NFILZ: variants seen among roughly 807,000 people sequenced by gnomAD.
The protein encoded by NFILZ is NFIL3 like basic leucine zipper.
At chr19:8,639,467 T>G (rs1446359666) in intron 3 of NFILZ, among the ~76,000 whole-genome samples, 2 of 152,194 alleles carry the variant, frequency 1.3e-5, no homozygotes, top group African/African-American at 4.8e-5. Flanking sequence ...TATGGTGGCA[T>G]GTGCCTGTAG....
At chr19:8,673,875 C>G (rs1405963633) in intron 3 of NFILZ, among the ~76,000 whole-genome samples, 1 of 152,030 alleles carries the variant, frequency 6.6e-6, no homozygotes, top group Non-Finnish European at 1.5e-5. Flanking sequence ...GAGTCTTGCT[C>G]TGTCGCCCAG....
intron 3 of NFILZ, among the ~76,000 whole-genome samples, chr19:8,637,237 C>T (rs182054717): frequency 1.4e-3 from 216 of 152,120 alleles, no homozygotes; most frequent in Admixed American, 2.8e-3. Context: ...TCTCAGCTCT[C>T]AGAAGGCTGA....
intron 3 of NFILZ, among the ~76,000 whole-genome samples, 160 bp downstream of exon 3, chr19:8,635,906 G>A (rs2042892198): frequency 6.6e-6 from 1 of 151,942 alleles, no homozygotes; most frequent in African/African-American, 2.4e-5. Flanking sequence ...GTGCAGTCTT[G>A]GCTCATTGCC....
chr19:8,643,637 A>T (rs2042927767), intron 3 of NFILZ, among the ~76,000 whole-genome samples: 1 of 152,144 alleles, frequency 6.6e-6, no homozygotes, highest in African/African-American at 2.4e-5. Context: ...AGGGACATTG[A>T]TCTTCTACCC....
chr19:8,634,962 G>T (rs781786895), intron 2 of NFILZ, among the ~76,000 whole-genome samples: 1 of 151,976 alleles, frequency 6.6e-6, no homozygotes, highest in Non-Finnish European at 1.5e-5. Context: ...ATTAGTATAC[G>T]ATTCTGTGAT....
rs2042875170 is a variant in NFILZ, at chr19:8,632,537, C to T, written c.-349C>T. The stretch of plus-strand genomic sequence containing the variant: ...ATGACATGAGTGACCTCTGATTGTC[C>T]TCACTGCTACACTCCCACCAGCCCC... On this transcript the variant is annotated 5_prime_UTR_variant, in exon 2 of 6. Transcript: ENST00000691075. The T allele has an allele frequency of 6.6e-6, 1 of 152,076 alleles. No homozygotes were observed. The highest frequency in any genetic ancestry group is 2.4e-5 in the African/African-American group (1 of 41,404). The allele number at this position is 152,076 out of a possible 1,614,324, so 9.4% of individuals were successfully genotyped here.
chr19:8,672,204 A>T (rs1555750327), intron 3 of NFILZ, among the ~76,000 whole-genome samples: 1 of 152,170 alleles, frequency 6.6e-6, no homozygotes, highest in Admixed American at 6.6e-5. Context: ...TGCATTTATT[A>T]GTTCATTCAA....
chr19:8,661,104 T>TTCCCCCTCCCTCCCTTCC (rs2043029476), intron 3 of NFILZ, among the ~76,000 whole-genome samples: 1 of 30,310 alleles, frequency 3.3e-5, no homozygotes, highest in Non-Finnish European at 6.4e-5. Flanking sequence ...CCCTTCCTCC[T>TTCCCCCTCCCTCCCTTCC]TCCTTCCTTC....
At chr19:8,651,003 C>T (rs2042962551) in intron 3 of NFILZ, among the ~76,000 whole-genome samples, 1 of 151,906 alleles carries the variant, frequency 6.6e-6, no homozygotes, top group Admixed American at 6.6e-5. Context: ...ATTGTGGAAC[C>T]ATAATAGGTG....
intron 3 of NFILZ, among the ~76,000 whole-genome samples, chr19:8,644,190 T>C (rs2042929872): frequency 6.6e-6 from 1 of 152,128 alleles, no homozygotes; most frequent in South Asian, 2.1e-4. Flanking sequence ...AGCCTCCACC[T>C]CCTGGGTTCA....
intron 3 of NFILZ, among the ~76,000 whole-genome samples, chr19:8,660,581 CTCCTTCCTTCCTTCCT>C (rs35156565): frequency 9.1e-6 from 1 of 110,134 alleles, no homozygotes; most frequent in African/African-American, 4.0e-5. Context: ...CCCTCCCTCC[CTCCTTCCTTCCTTCCT>C]TCCCTCCTTC....
chr19:8,631,122 CA>C (rs2042867742), intron 1 of NFILZ, among the ~76,000 whole-genome samples: 1 of 152,064 alleles, frequency 6.6e-6, no homozygotes, highest in South Asian at 2.1e-4. Context: ...TTTGGGGTAC[CA>C]GGGGTTTCTG....
chr19:8,653,038 T>TCTCCC (rs2042975227), intron 3 of NFILZ, among the ~76,000 whole-genome samples: 23 of 90,592 alleles, frequency 2.5e-4, no homozygotes, highest in Middle Eastern at 5.6e-3. Flanking sequence ...CTTTCTTTCT[T>TCTCCC]TCTCTCTCTC....
intron 4 of NFILZ, among the ~76,000 whole-genome samples, chr19:8,676,138 G>A (rs563797821): frequency 6.6e-5 from 10 of 152,262 alleles, no homozygotes; most frequent in Middle Eastern, 6.8e-3. Flanking sequence ...GAGTTGGGTA[G>A]AGGGATGGAC....
chr19:8,674,232 A>G lies in NFILZ; in HGVS notation c.-163-319A>G, dbSNP rs184031969. On this transcript the variant is annotated intron_variant, in intron 3 of 5. Coordinates refer to ENST00000691075, the MANE Select transcript of NFILZ (RefSeq NM_001378600.1). Reference sequence around the variant, plus strand: ...TCACATGGTGTGGCGGAGCAGACTCACACATTAGACAGATTTGAGTTCAAA... The same window carrying G: ...TCACATGGTGTGGCGGAGCAGACTCGCACATTAGACAGATTTGAGTTCAAA... Among the ~76,000 whole-genome samples the G allele has an allele frequency of 7.0e-4, 106 of 152,318 alleles. 1 individual carries two copies. The South Asian group carries it at 0.011, about 16-fold the overall frequency.
rs1313187571 is a variant in NFILZ, at chr19:8,678,201, CCATCCATCCATT to C, written c.*576_*587del. On this transcript the variant is annotated 3_prime_UTR_variant, in exon 6 of 6. Transcript: ENST00000691075. The stretch of plus-strand genomic sequence containing the variant: ...TCCATCCATCCATCCGTCCATCTAT[CCATCCATCCATT>C]CATCCATCCGTCCATCCATTCAGCC... Among the ~76,000 whole-genome samples, 8 of 121,746 alleles carry C rather than the reference CCATCCATCCATT, an allele frequency of 6.6e-5. No homozygotes were observed. Among genetic ancestry groups the C allele is most frequent in the African/African-American group, 2.6e-4 (8 of 31,302 alleles). The allele number at this position is 121,746 out of a possible 152,430, so 79.9% of individuals were successfully genotyped here.
intron 3 of NFILZ, among the ~76,000 whole-genome samples, chr19:8,648,852 TA>T (rs71179876): frequency 0.019 from 2,675 of 139,014 alleles, 52 homozygotes; most frequent in African/African-American, 0.059. Context: ...AGACTCTGCT[TA>T]AAAAAAAAAA....
rs1555674962 is a variant in NFILZ, at chr19:8,663,754, G to GTGTATGTGTGTGTA, written c.-163-10794_-163-10793insATGTGTGTGTATGT. On this transcript the variant is annotated intron_variant, in intron 3 of 5. Transcript: ENST00000691075. ...TGTGTGTGTGTGTGTGTGTGTGTGT[G>GTGTATGTGTGTGTA]TGTGTGTGTGTGTGTGTATGTATGT... Among the ~76,000 whole-genome samples the GTGTATGTGTGTGTA allele has an allele frequency of 5.7e-4, 67 of 117,566 alleles. 1 individual carries two copies. In the East Asian group the frequency reaches 0.013, roughly 23 times the overall value. The allele number at this position is 117,566 out of a possible 152,430, so 77.1% of individuals were successfully genotyped here. A position where few individuals can be genotyped will look rare whatever the true frequency, so the allele number is the denominator to read the frequency against.
intron 3 of NFILZ, among the ~76,000 whole-genome samples, chr19:8,660,638 TA>T (rs1366545308): frequency 2.8e-3 from 226 of 80,030 alleles, no homozygotes; most frequent in East Asian, 6.5e-3. Context: ...CTCCCTCCCT[TA>T]CTTTTTTTTT....
Sources: allele counts gnomAD v4.1 joint callset (sites outside exome capture counted in the v4.1 genomes callset), GRCh38; gene constraint gnomAD v4.1.1; transcripts MANE v1.5; gene names NCBI Gene and HGNC (gene_info 2026-07-23, HGNC 2026-07-21).